SCLT1: variants seen among roughly 807,000 people sequenced by gnomAD.
SCLT1 encodes the protein sodium channel and clathrin linker 1.
Under a neutral mutation model 112.8 loss-of-function variants are expected in SCLT1, and 78 were observed. That is an observed-to-expected ratio of 0.69 (90% CI 0.58 to 0.83). The LOEUF (loss-of-function observed/expected upper bound fraction) is 0.83, where lower values mean the gene tolerates loss of function less well. Among genes scored for constraint, SCLT1 ranks in the 40% least tolerant of loss-of-function variants. The pLI is 0.00. For synonymous variants in SCLT1, 257 were observed against 254.7 expected (o/e 1.01, Z -0.09); for missense variants, 747 against 770.4 (o/e 0.97, Z 0.36).
chr4:128,944,941 T>C (rs1042921965), intron 16 of SCLT1: 5 of 152,190 alleles, frequency 3.3e-5, no homozygotes, highest in African/African-American at 4.8e-5. Flanking sequence ...GGTTAATCCT[T>C]ATCCTTCACT....
rs1737827400 is a variant in SCLT1, at chr4:128,942,928, G to A, written c.1632+68C>T. ...AGGGGGCCTTAAAGATGTTTTGCTA[G>A]GTCTCTCTAAATATTCTCTATACTT... On this transcript the variant is annotated intron_variant, in intron 17 of 20. Coordinates refer to ENST00000281142, the MANE Select transcript of SCLT1 (RefSeq NM_144643.4). 30 of 1,190,472 alleles carry A rather than the reference G, an allele frequency of 2.5e-5. No homozygotes were observed. The South Asian group carries it at 3.4e-4, about 13-fold the overall frequency. The allele number at this position is 1,190,472 out of a possible 1,614,324, so 73.7% of individuals were successfully genotyped here. A position where few individuals can be genotyped will look rare whatever the true frequency, so the allele number is the denominator to read the frequency against.
intron 20 of SCLT1, among the ~76,000 whole-genome samples, chr4:128,888,070 C>A (rs911549321): frequency 6.6e-6 from 1 of 152,140 alleles, no homozygotes; most frequent in African/African-American, 2.4e-5. Flanking sequence ...GCCCTAGCTA[C>A]ATACAGCTAT....
At chr4:128,921,684 T>C (rs536303259) in intron 18 of SCLT1, among the ~76,000 whole-genome samples, 1 of 152,164 alleles carries the variant, frequency 6.6e-6, no homozygotes, top group African/African-American at 2.4e-5. Flanking sequence ...AACCTAAAAC[T>C]ACAAAAACCC....
intron 10 of SCLT1, among the ~76,000 whole-genome samples, chr4:128,966,126 G>A (rs1173510859): frequency 1.4e-5 from 2 of 143,888 alleles, no homozygotes; most frequent in Non-Finnish European, 1.5e-5. Context: ...CACCGTGCTT[G>A]GCCAAATTTT....
At chr4:128,927,184 GA>G (rs1560849290) in intron 18 of SCLT1, among the ~76,000 whole-genome samples, 1 of 150,872 alleles carries the variant, frequency 6.6e-6, no homozygotes. Context: ...AAACAATTAA[GA>G]AAAAAATAAC....
chr4:128,979,337 G>A lies in SCLT1; in HGVS notation c.687-8869C>T, dbSNP rs188636939. ...ATGATATTACCAGGTGGGGCCTTTT[G>A]GGAGGTGATTAGGTCATGATAGCAG... On this transcript the variant is annotated intron_variant, in intron 9 of 20. Transcript: ENST00000281142. Among the ~76,000 whole-genome samples, 731 of 152,210 alleles carry A rather than the reference G, an allele frequency of 4.8e-3. 6 individuals carry two copies. Among genetic ancestry groups the A allele is most frequent in the African/African-American group, 0.017 (694 of 41,532 alleles).
chr4:128,970,498 G>A lies in SCLT1; in HGVS notation c.687-30C>T, dbSNP rs775669623. ...AAAATAAAGTAAATTAATAAACACT[G>A]TTTTCATAGACCACTAAGAATAAAA... On this transcript the variant is annotated intron_variant, in intron 9 of 20. Transcript: ENST00000281142. 11 of 1,146,432 alleles carry A rather than the reference G, an allele frequency of 9.6e-6. No homozygotes were observed. The South Asian group carries it at 1.4e-4, about 14-fold the overall frequency. The allele number at this position is 1,146,432 out of a possible 1,614,324, so 71.0% of individuals were successfully genotyped here.
chr4:128,943,053 T>C lies in SCLT1; in HGVS notation c.1575A>G (p.Lys525=), dbSNP rs1179575367. 1 of 1,613,276 alleles carries C rather than the reference T, an allele frequency of 6.2e-7. No individual in the cohort carries two copies. The highest frequency in any genetic ancestry group is 1.3e-5 in the African/African-American group (1 of 74,900). ...KLQQENKQLR[K]ETESLRKIAL... is the part of the protein sequence containing the mutation. Reference sequence around the variant, plus strand: ...CAATCTTCCTTAAACTCTCAGTCTCTTTCCGTAACTGTTTATTTTCTTGCT... The same window carrying C: ...CAATCTTCCTTAAACTCTCAGTCTCCTTCCGTAACTGTTTATTTTCTTGCT... The change falls in exon 17 of 21, where the codon AAA becomes AAG. Residue 525 remains lysine (K), a synonymous_variant. Transcript: ENST00000281142.
chr4:128,935,195 A>T (rs1271259615), intron 18 of SCLT1, among the ~76,000 whole-genome samples: 1 of 151,762 alleles, frequency 6.6e-6, no homozygotes, highest in Non-Finnish European at 1.5e-5. Flanking sequence ...TTAGTTCTTT[A>T]GTGCTCTTTG....
intron 19 of SCLT1, 108 bp downstream of exon 19, chr4:128,890,951 T>C (rs1009286697): frequency 1.4e-6 from 1 of 719,450 alleles, no homozygotes; most frequent in Non-Finnish European, 2.4e-6. Flanking sequence ...GATTTCTGTA[T>C]TGTTATTTCC....
At chr4:128,915,600 T>C (rs1332295367) in intron 18 of SCLT1, among the ~76,000 whole-genome samples, 1 of 152,180 alleles carries the variant, frequency 6.6e-6, no homozygotes, top group African/African-American at 2.4e-5. Context: ...ATATCATGTT[T>C]TAAAAGTTCA....
chr4:128,943,217 C>T (rs762721802), intron 16 of SCLT1, 29 bp from the exon 17 acceptor site: 2 of 1,471,156 alleles, frequency 1.4e-6, no homozygotes, highest in Non-Finnish European at 1.9e-6. Flanking sequence ...GAAAAGAATC[C>T]TTAAACTTAA....
Position 128,954,742 on chromosome 4 carries a change from T to A in SCLT1, c.1147-1902A>T, listed in dbSNP as rs1180495978. Among the ~76,000 whole-genome samples, 3 of 152,340 alleles carry A rather than the reference T, an allele frequency of 2.0e-5. 1 individual carries two copies. The East Asian group carries it at 5.8e-4, about 29-fold the overall frequency. On this transcript the variant is annotated intron_variant, in intron 13 of 20. Transcript: ENST00000281142. ...TTATTGAGGATTAATGGGTGTTAGG[T>A]ACTATTCAGAGTGCTTTACATGTAT...
At chr4:129,083,821 A>T in intron 1 of SCLT1, among the ~76,000 whole-genome samples, 1 of 152,244 alleles carries the variant, frequency 6.6e-6, no homozygotes, top group Admixed American at 6.5e-5. Context: ...TGAAGTTACA[A>T]ATGCATTCCA....
chr4:128,933,509 C>T (rs530723834), intron 18 of SCLT1, among the ~76,000 whole-genome samples: 4 of 152,246 alleles, frequency 2.6e-5, no homozygotes, highest in South Asian at 2.1e-4. Flanking sequence ...TTGATACCTT[C>T]TCTTTGCTTT....
chr4:129,054,211 C>A (rs1477073965), intron 2 of SCLT1, among the ~76,000 whole-genome samples: 1 of 152,114 alleles, frequency 6.6e-6, no homozygotes, highest in Non-Finnish European at 1.5e-5. Context: ...CTTGATGAAT[C>A]TGATGATTAT....
At chr4:128,936,017 C>T (rs1737150301) in intron 18 of SCLT1, among the ~76,000 whole-genome samples, 1 of 152,140 alleles carries the variant, frequency 6.6e-6, no homozygotes, top group Non-Finnish European at 1.5e-5. Context: ...ATCTCCAACC[C>T]TTTATAACCT....
intron 11 of SCLT1, among the ~76,000 whole-genome samples, chr4:128,960,581 A>T (rs1194167985): frequency 6.6e-6 from 1 of 152,070 alleles, no homozygotes; most frequent in African/African-American, 2.4e-5. Context: ...TCTTCTTTGC[A>T]TATTTTTTTC....
chr4:128,975,835 A>C (rs986313287), intron 9 of SCLT1, among the ~76,000 whole-genome samples: 1 of 152,162 alleles, frequency 6.6e-6, no homozygotes, highest in Non-Finnish European at 1.5e-5. Flanking sequence ...AAGTACCAAA[A>C]CTGGATAAAG....
Sources: gnomAD v4.1 joint callset for allele counts (sites outside exome capture counted in the v4.1 genomes callset) on GRCh38, gnomAD v4.1.1 for gene constraint, MANE v1.5 for transcripts, NCBI Gene and HGNC (gene_info 2026-07-23, HGNC 2026-07-21) for gene names.